USP7: variants seen among roughly 807,000 people sequenced by gnomAD.
USP7 encodes ubiquitin C-terminal hydrolase 7.
USP7 carries 9 observed loss-of-function variants against 162.9 expected under a neutral mutation model. That is an observed-to-expected ratio of 0.06 (90% CI 0.03 to 0.10). The LOEUF is 0.10. Among genes scored for constraint, USP7 ranks in the 10% least tolerant of loss-of-function variants. The probability of loss-of-function intolerance (pLI) is 1.00; values close to 1 mark genes in which losing one functional copy is unlikely to be tolerated. For synonymous variants in USP7, 562 were observed against 475.9 expected (o/e 1.18, Z -2.35); for missense variants, 715 against 1,373.7 (o/e 0.52, Z 7.58).
chr16:8,947,970 G>A (rs1340727567), intron 1 of USP7, among the ~76,000 whole-genome samples: 1 of 152,078 alleles, frequency 6.6e-6, no homozygotes, highest in Non-Finnish European at 1.5e-5. Context: ...CTCCATTACT[G>A]CCCTGGAAGC....
chr16:8,934,824 G>A (rs1280159186), intron 1 of USP7, among the ~76,000 whole-genome samples: 3 of 152,216 alleles, frequency 2.0e-5, no homozygotes, highest in Admixed American at 6.5e-5. Flanking sequence ...AGCCCTATGG[G>A]TGTCCAAGCA....
At chr16:8,919,334 A>C (rs1356057871) in intron 5 of USP7, among the ~76,000 whole-genome samples, 195 bp from the exon 6 acceptor site, 1 of 151,956 alleles carries the variant, frequency 6.6e-6, no homozygotes, top group Non-Finnish European at 1.5e-5. Context: ...CAACCCCCAC[A>C]TTCGCACAGC....
rs761125187 is a variant in USP7 at position 8,902,395 on chromosome 16, C to T, written c.1927G>A (p.Asp643Asn). ...KRPAMLDNEA[D>N]GNKTMIELSD... ...ACAATATTTACTGTTTTATTGCCGT[C>T]GGCTTCATTATCTAACATTGCTGGT... The change falls in exon 17 of 31, where the codon GAC (aspartate) becomes AAC (asparagine). Residue 643 changes from aspartate (D) to asparagine (N), a missense_variant. Coordinates refer to ENST00000344836, the MANE Select transcript of USP7 (RefSeq NM_003470.3). The T allele has an allele frequency of 2.5e-6, 4 of 1,614,044 alleles. No homozygotes were observed. The highest frequency in any genetic ancestry group is 2.2e-5 in the South Asian group (2 of 91,044).
chr16:8,916,008 G>C (rs544330732), intron 8 of USP7, among the ~76,000 whole-genome samples: 1 of 152,334 alleles, frequency 6.6e-6, no homozygotes, highest in East Asian at 1.9e-4. Flanking sequence ...TGTTGTGTGT[G>C]TGTGCTTCTG....
chr16:8,959,454 GA>G (rs1195895426), intron 1 of USP7, among the ~76,000 whole-genome samples: 2 of 151,936 alleles, frequency 1.3e-5, no homozygotes, highest in African/African-American at 4.8e-5. Context: ...CAGCCTGAAA[GA>G]ATCAGGAGAG....
At chr16:8,948,701 T>C (rs997328508) in intron 1 of USP7, among the ~76,000 whole-genome samples, 24 of 152,132 alleles carry the variant, frequency 1.6e-4, no homozygotes, top group African/African-American at 4.3e-4. Context: ...CTTGAGGATA[T>C]TAAGCTAAGT....
At chr16:8,958,484 G>C (rs1232697192) in intron 1 of USP7, among the ~76,000 whole-genome samples, 1 of 152,196 alleles carries the variant, frequency 6.6e-6, no homozygotes, top group Non-Finnish European at 1.5e-5. Context: ...ATAAAGTGTG[G>C]GGTCAGGCAG....
chr16:8,915,163 T>A, intron 10 of USP7, 91 bp downstream of exon 10: 5 of 1,213,484 alleles, frequency 4.1e-6, no homozygotes, highest in Non-Finnish European at 4.6e-6. Context: ...GTGTTTAGAC[T>A]ATTTAAAAAA....
chr16:8,924,518 T>C (rs1445613603), intron 2 of USP7, among the ~76,000 whole-genome samples: 8 of 152,254 alleles, frequency 5.3e-5, no homozygotes, highest in Non-Finnish European at 1.2e-4. Context: ...TTGACATCCC[T>C]GACCACCAGG....
In USP7 at chr16:8,900,568, A is replaced by T; in HGVS notation, c.2271T>A (p.Leu757=). The T allele has an allele frequency of 6.2e-7, 1 of 1,612,304 alleles. No individual in the cohort carries two copies. The highest frequency in any genetic ancestry group is 8.5e-7 in the Non-Finnish European group (1 of 1,179,728). ...QDYDVSLDKA[L]DELMDGDIIV... ...TGATGTCACCATCCATTAGTTCATCAAGGGCTTTATCAAGAGACACGTCAT... is the reference window on the plus strand; with the variant it reads ...TGATGTCACCATCCATTAGTTCATCTAGGGCTTTATCAAGAGACACGTCAT... Residue 757 remains leucine (L), a synonymous_variant, in exon 21 of 31, where the codon CTT becomes CTA. Transcript: ENST00000344836.
chr16:8,934,770 T>C (rs764050487), intron 1 of USP7, among the ~76,000 whole-genome samples: 30 of 152,228 alleles, frequency 2.0e-4, no homozygotes, highest in Non-Finnish European at 3.5e-4. Context: ...AAAGGGCCAC[T>C]GGTTGGCCAC....
intron 3 of USP7, among the ~76,000 whole-genome samples, chr16:8,922,213 G>A (rs1897732633): frequency 6.6e-6 from 1 of 152,214 alleles, no homozygotes; most frequent in South Asian, 2.1e-4. Context: ...GTACGGCCAG[G>A]TGCGCTGGCT....
At chr16:8,903,004 G>A (rs1333973085) in intron 16 of USP7, among the ~76,000 whole-genome samples, 1 of 152,210 alleles carries the variant, frequency 6.6e-6, no homozygotes, top group African/African-American at 2.4e-5. Flanking sequence ...GGGGGTAGGG[G>A]TGCAGGGAGT....
rs865820100 is a variant in USP7, at chr16:8,930,225, G to C, written c.184+68C>G. The C allele has an allele frequency of 1.0e-5, 13 of 1,251,626 alleles. No individual in the cohort carries two copies. In the Middle Eastern group the frequency reaches 1.7e-3, roughly 165 times the overall value. 77.5% of individuals were successfully genotyped at this position (1,251,626 alleles called of 1,614,324 possible). On this transcript the variant is annotated intron_variant, in intron 2 of 30. Coordinates refer to ENST00000344836, the MANE Select transcript of USP7 (RefSeq NM_003470.3). ...CAAGGATGTACCCAAGAAGTACCAA[G>C]CATGGATCTGAACCTGTTTTCTGAC...
intron 1 of USP7, 67 bp from the exon 2 acceptor site, chr16:8,930,464 A>G (rs765688158): frequency 1.8e-5 from 21 of 1,150,152 alleles, no homozygotes; most frequent in Non-Finnish European, 2.4e-5. Flanking sequence ...AGCAAAATAT[A>G]AACTTATACT....
intron 1 of USP7, among the ~76,000 whole-genome samples, chr16:8,953,103 G>A (rs1384469984): frequency 6.6e-6 from 1 of 152,040 alleles, no homozygotes; most frequent in Non-Finnish European, 1.5e-5. Context: ...CGAAATGCTG[G>A]GATTACAGGT....
chr16:8,897,231 TCCCAC>T, intron 25 of USP7, 132 bp from the exon 26 acceptor site: 1 of 688,332 alleles, frequency 1.5e-6, no homozygotes, highest in Non-Finnish European at 2.5e-6. Context: ...TTGCTCTCAT[TCCCAC>T]CCCAACTCCC....
At chr16:8,948,451 C>A (rs1899390419) in intron 1 of USP7, among the ~76,000 whole-genome samples, 1 of 152,208 alleles carries the variant, frequency 6.6e-6, no homozygotes, top group Non-Finnish European at 1.5e-5. Context: ...TCCCAAAGTG[C>A]TGGGATTACA....
chr16:8,949,544 C>T (rs771152131), intron 1 of USP7: 9 of 152,546 alleles, frequency 5.9e-5, no homozygotes, highest in Middle Eastern at 3.4e-3. Context: ...CTTGCCGCTG[C>T]CATCCTTACC....
Sources: gnomAD v4.1 joint callset for allele counts (sites outside exome capture counted in the v4.1 genomes callset) on GRCh38, gnomAD v4.1.1 for gene constraint, MANE v1.5 for transcripts, NCBI Gene and HGNC (gene_info 2026-07-23, HGNC 2026-07-21) for gene names.